The following EXOC4 variants were observed in gnomAD, a reference collection of about 807,000 sequenced individuals.
EXOC4 encodes SEC8-like 1.
In EXOC4, 71 loss-of-function variants were observed where a neutral mutation model predicts 107.2. That is an observed-to-expected ratio of 0.66 (90% CI 0.55 to 0.81). The LOEUF is 0.81. EXOC4 is among the 30% of genes least tolerant of loss of function. The probability of loss-of-function intolerance (pLI) is 0.00; values close to 1 mark genes in which losing one functional copy is unlikely to be tolerated. For missense variants in EXOC4, 1,108 were observed against 1,189.6 expected (o/e 0.93, Z 1.01); for synonymous variants, 456 against 441.2 (o/e 1.03, Z -0.42).
intron 9 of EXOC4, among the ~76,000 whole-genome samples, chr7:133,538,705 T>A (rs1183135944): frequency 1.3e-5 from 2 of 151,990 alleles, no homozygotes; most frequent in Non-Finnish European, 2.9e-5. Flanking sequence ...GTAGCATGTG[T>A]CTGTACCCCT....
chr7:133,608,542 A>ATTTC (rs1802002604), intron 9 of EXOC4, among the ~76,000 whole-genome samples: 1 of 107,774 alleles, frequency 9.3e-6, no homozygotes, highest in South Asian at 3.1e-4. Flanking sequence ...AATATGCTGT[A>ATTTC]TTTCTTTTTT....
intron 1 of EXOC4, among the ~76,000 whole-genome samples, chr7:133,273,410 G>A (rs938562961): frequency 6.6e-6 from 1 of 152,218 alleles, no homozygotes; most frequent in South Asian, 2.1e-4. Flanking sequence ...TGAGGAAACA[G>A]GATCTCTCAT....
intron 9 of EXOC4, among the ~76,000 whole-genome samples, chr7:133,535,808 A>G (rs1800260345): frequency 6.6e-6 from 1 of 152,158 alleles, no homozygotes; most frequent in Admixed American, 6.6e-5. Flanking sequence ...AAATATTTCC[A>G]GCATACATTT....
intron 8 of EXOC4, among the ~76,000 whole-genome samples, chr7:133,477,347 G>C (rs1241397127): frequency 6.6e-6 from 1 of 152,090 alleles, no homozygotes; most frequent in Non-Finnish European, 1.5e-5. Flanking sequence ...GGCAACCTCT[G>C]ATCTTTTGAC....
chr7:133,518,621 TA>T (rs1472000593), intron 9 of EXOC4, among the ~76,000 whole-genome samples: 1 of 152,030 alleles, frequency 6.6e-6, no homozygotes, highest in African/African-American at 2.4e-5. Flanking sequence ...AATGGAAAAA[TA>T]AAATGTAGTG....
intron 7 of EXOC4, among the ~76,000 whole-genome samples, chr7:133,395,705 A>G (rs1796956843): frequency 6.6e-6 from 1 of 152,178 alleles, no homozygotes; most frequent in African/African-American, 2.4e-5. Context: ...GTATTTAGAA[A>G]GAAAAAGACC....
At chr7:133,384,623 A>G (rs921488029) in intron 7 of EXOC4, among the ~76,000 whole-genome samples, 1 of 152,076 alleles carries the variant, frequency 6.6e-6, no homozygotes, top group Non-Finnish European at 1.5e-5. Flanking sequence ...GTGAAATTAA[A>G]GCTACTGGCA....
chr7:133,418,726 A>G (rs1307353679), intron 7 of EXOC4, among the ~76,000 whole-genome samples: 2 of 152,146 alleles, frequency 1.3e-5, no homozygotes, highest in Non-Finnish European at 1.5e-5. Flanking sequence ...ACTCACTACT[A>G]GTAGTTACTT....
At chr7:134,030,483 C>G (rs1795243650) in intron 17 of EXOC4, among the ~76,000 whole-genome samples, 1 of 152,190 alleles carries the variant, frequency 6.6e-6, no homozygotes, top group African/African-American at 2.4e-5. Context: ...AAGAAGTTCA[C>G]TGGCACAGGT....
At chr7:133,570,640 G>A (rs1362729451) in intron 9 of EXOC4, among the ~76,000 whole-genome samples, 2 of 152,178 alleles carry the variant, frequency 1.3e-5, no homozygotes, top group Non-Finnish European at 2.9e-5. Context: ...GCGTGAAACT[G>A]AAATACATAG....
intron 9 of EXOC4, among the ~76,000 whole-genome samples, chr7:133,595,621 G>A (rs142127084): frequency 1.3e-5 from 2 of 152,150 alleles, no homozygotes; most frequent in Non-Finnish European, 2.9e-5. Context: ...AGCCTTATGA[G>A]CTATAACTCC....
intron 7 of EXOC4, among the ~76,000 whole-genome samples, chr7:133,375,236 G>A (rs1419617370): frequency 6.6e-6 from 1 of 152,186 alleles, no homozygotes; most frequent in Non-Finnish European, 1.5e-5. Flanking sequence ...AGTACTTTGG[G>A]AGGCCAAGGC....
chr7:133,806,786 G>C (rs1471316019), intron 10 of EXOC4, among the ~76,000 whole-genome samples: 1 of 152,184 alleles, frequency 6.6e-6, no homozygotes, highest in Non-Finnish European at 1.5e-5. Context: ...ATGACCTTGG[G>C]AAAGTAACTT....
chr7:133,672,261 G>A (rs1235486501), intron 10 of EXOC4, among the ~76,000 whole-genome samples: 1 of 151,794 alleles, frequency 6.6e-6, no homozygotes, highest in East Asian at 1.9e-4. Context: ...CGTGGTGGCG[G>A]GCACCTGTAG....
At chr7:133,792,867 G>A (rs1796733877) in intron 10 of EXOC4, among the ~76,000 whole-genome samples, 1 of 152,122 alleles carries the variant, frequency 6.6e-6, no homozygotes, top group Non-Finnish European at 1.5e-5. Context: ...TAATAGAATA[G>A]TCAATGGCAG....
chr7:133,646,850 AT>A (rs1445481384), intron 10 of EXOC4, among the ~76,000 whole-genome samples: 22 of 152,154 alleles, frequency 1.4e-4, no homozygotes, highest in Admixed American at 3.9e-4. Flanking sequence ...ATATATTAGC[AT>A]ATCCTAAGAA....
chr7:133,425,310 TG>T (rs1797699018), intron 7 of EXOC4, among the ~76,000 whole-genome samples: 2 of 152,170 alleles, frequency 1.3e-5, no homozygotes, highest in Non-Finnish European at 1.5e-5. Context: ...TTGTTTGAGA[TG>T]GAGTCTCGCT....
intron 11 of EXOC4, among the ~76,000 whole-genome samples, chr7:133,855,137 A>G (rs1339038757): frequency 7.7e-6 from 1 of 130,544 alleles, no homozygotes; most frequent in Non-Finnish European, 1.5e-5. Flanking sequence ...AAATATATAT[A>G]TATATAAATA....
rs763511126 is a variant in EXOC4, at chr7:133,475,425, C to G, written c.1280C>G (p.Ala427Gly). Residue 427 changes from alanine (A) to glycine (G), a missense_variant, in exon 8 of 18, where the codon GCC becomes GGC. Physicochemically the swap from Ala to Gly is moderately conservative, Grantham distance 60. Transcript: ENST00000253861. ...SYASTGREFA[A>G]FFAKKKPQRP... ...GCCAGCACTGGACGAGAGTTTGCAG[C>G]CTTTTTTGCCAAGAAGAAACCTCAA... The G allele has an allele frequency of 5.6e-6, 9 of 1,613,994 alleles. No individual in the cohort carries two copies. Among genetic ancestry groups the G allele is most frequent in the Admixed American group, 1.7e-5 (1 of 60,010 alleles).
Sources: allele counts gnomAD v4.1 joint callset (sites outside exome capture counted in the v4.1 genomes callset), GRCh38; gene constraint gnomAD v4.1.1; transcripts MANE v1.5; gene names NCBI Gene and HGNC (gene_info 2026-07-23, HGNC 2026-07-21).